Variants in LHFPL5 observed in about 807,000 individuals in gnomAD.
LHFPL5 encodes the protein LHFPL tetraspan subfamily member 5 protein.
LHFPL5 carries 12 observed loss-of-function variants against 18.7 expected under a neutral mutation model. The ratio of observed to expected loss-of-function variants is 0.64; its 90% confidence interval spans 0.41 to 1.04. The LOEUF (loss-of-function observed/expected upper bound fraction) is 1.04. LHFPL5 is among the 50% of genes least tolerant of loss of function. The pLI is 0.00. For synonymous variants in LHFPL5, 111 were observed against 120.2 expected (o/e 0.92, Z 0.50); for missense variants, 259 against 292.1 (o/e 0.89, Z 0.83).
At position 35,823,503 on chromosome 6, in the gene LHFPL5, A is replaced by G. The variant is rs1375881906; in HGVS notation, c.*538A>G. The G allele has an allele frequency of 6.7e-6, 1 of 149,162 alleles. No individual in the cohort carries two copies. Among genetic ancestry groups the G allele is most frequent in the African/African-American group, 2.5e-5 (1 of 39,516 alleles). The allele number at this position is 149,162 out of a possible 1,614,324, so 9.2% of individuals were successfully genotyped here. ...CTCTCTCTCTCTCTCAAACACACACAAATGCCCAACCAGCTCTAAGAGGGC... is the reference window on the plus strand; with the variant it reads ...CTCTCTCTCTCTCTCAAACACACACGAATGCCCAACCAGCTCTAAGAGGGC... On this transcript the variant is annotated 3_prime_UTR_variant, in exon 4 of 4. Transcript: ENST00000360215.
intron 1 of LHFPL5, among the ~76,000 whole-genome samples, chr6:35,809,011 C>A (rs1465324639): frequency 6.6e-6 from 1 of 152,114 alleles, no homozygotes; most frequent in Non-Finnish European, 1.5e-5. Context: ...GGTCCCATAT[C>A]CAGCAGCTGG....
At chr6:35,821,718 T>C (rs1212174869) in intron 3 of LHFPL5, among the ~76,000 whole-genome samples, 1 of 151,932 alleles carries the variant, frequency 6.6e-6, no homozygotes, top group Non-Finnish European at 1.5e-5. Context: ...CGACCTCAGG[T>C]GATCCTCCCG....
At chr6:35,816,802 A>G (rs1273829793) in intron 2 of LHFPL5, among the ~76,000 whole-genome samples, 4 of 145,562 alleles carry the variant, frequency 2.7e-5, no homozygotes, top group African/African-American at 1.0e-4. Context: ...ACAGAGCAAG[A>G]CTCCATCTAA....
intron 1 of LHFPL5, among the ~76,000 whole-genome samples, chr6:35,812,121 A>G (rs955571982): frequency 3.3e-5 from 5 of 152,242 alleles, no homozygotes; most frequent in Admixed American, 2.0e-4. Flanking sequence ...AAGATGGTAC[A>G]TGAAGTATTT....
intron 2 of LHFPL5, 34 bp from the exon 3 acceptor site, chr6:35,819,403 G>A: frequency 6.2e-7 from 1 of 1,610,564 alleles, no homozygotes; most frequent in Non-Finnish European, 8.5e-7. Context: ...ACGAGACTTG[G>A]TAGTAACGTA....
At chr6:35,818,841 TC>T (rs757525275) in intron 2 of LHFPL5, among the ~76,000 whole-genome samples, 7 of 151,808 alleles carry the variant, frequency 4.6e-5, no homozygotes, top group Non-Finnish European at 8.8e-5. Flanking sequence ...CTATTTTTTT[TC>T]CTTTGAGACA....
In LHFPL5 at chr6:35,814,505, C is replaced by T; in HGVS notation, c.413-41C>T. 1 of 1,479,610 alleles carries T rather than the reference C, an allele frequency of 6.8e-7. No homozygotes were observed. The highest frequency in any genetic ancestry group is 9.5e-7 in the Non-Finnish European group (1 of 1,057,290). 91.7% of individuals were successfully genotyped at this position (1,479,610 alleles called of 1,614,324 possible). On this transcript the variant is annotated intron_variant, in intron 1 of 3. Transcript: ENST00000360215. The surrounding 1 kb of genome is among the most constrained non-coding windows in gnomAD (Gnocchi z 4.2). ...GGTGTGGGAGGTAGCGGGCTAGGCA[C>T]ACTCGGCCTGATGCCATGTGCACCC...
intron 2 of LHFPL5, 127 bp from the exon 3 acceptor site, chr6:35,819,310 C>A: frequency 1.1e-6 from 1 of 875,770 alleles, no homozygotes; most frequent in African/African-American, 1.6e-5. Flanking sequence ...ATGATATGAA[C>A]AAAAAAGTGC....
intron 2 of LHFPL5, among the ~76,000 whole-genome samples, chr6:35,818,334 TATATATATATA>T (rs1561955489): frequency 1.1e-3 from 7 of 6,510 alleles, no homozygotes; most frequent in Admixed American, 2.6e-3. Context: ...TATATATATA[TATATATATATA>T]TATGTATTTT....
At chr6:35,819,540 G>A in intron 3 of LHFPL5, 77 bp downstream of exon 3, 1 of 1,360,012 alleles carries the variant, frequency 7.4e-7, no homozygotes, top group Non-Finnish European at 1.0e-6. Context: ...TGAATCCTCA[G>A]GCATCAGGAC....
rs1561957952 is a variant in LHFPL5, at chr6:35,823,473, A to AGACTCTCT, written c.*508_*509insGACTCTCT. 4.4e-5 allele frequency: 4 copies of AGACTCTCT among 91,614 alleles called. No individual in the cohort carries two copies. The highest frequency in any genetic ancestry group is 7.9e-5 in the Non-Finnish European group (3 of 38,042). The allele number at this position is 91,614 out of a possible 1,614,324, so 5.7% of individuals were successfully genotyped here. On this transcript the variant is annotated 3_prime_UTR_variant, in exon 4 of 4. Transcript: ENST00000360215. Reference sequence around the variant, plus strand: ...TACACACACACACACACACACACACACACACTCTCTCTCTCTCTCAAACAC... The same window carrying AGACTCTCT: ...TACACACACACACACACACACACACAGACTCTCTCACACTCTCTCTCTCTCTCAAACAC...
chr6:35,806,159 C>A, intron 1 of LHFPL5, 77 bp downstream of exon 1: 1 of 1,518,704 alleles, frequency 6.6e-7, no homozygotes, highest in Non-Finnish European at 9.0e-7. Context: ...CCAGCCTCTG[C>A]CAGGGCTCTG....
intron 1 of LHFPL5, among the ~76,000 whole-genome samples, chr6:35,811,868 G>A (rs1768670486): frequency 6.6e-6 from 1 of 152,220 alleles, no homozygotes; most frequent in Admixed American, 6.5e-5. Context: ...TGAACACGTA[G>A]GAAGTCTGAA....
At chr6:35,808,057 C>T (rs1768600221) in intron 1 of LHFPL5, among the ~76,000 whole-genome samples, 1 of 151,994 alleles carries the variant, frequency 6.6e-6, no homozygotes, top group Non-Finnish European at 1.5e-5. Flanking sequence ...CAGCAAATCC[C>T]CTTGCCACCT....
In LHFPL5 at chr6:35,819,463, G is replaced by A. The variant is rs777856413; in HGVS notation, c.*16G>A. On this transcript the variant is annotated splice_region_variant and 3_prime_UTR_variant, in exon 3 of 4. Coordinates refer to ENST00000360215, the MANE Select transcript of LHFPL5 (RefSeq NM_182548.4). ...GGAGGTGTGAAGCAGCTGAAGGGTCGGTGAGTAATTCTATGGGAGGGTGGT... is the reference window on the plus strand; with the variant it reads ...GGAGGTGTGAAGCAGCTGAAGGGTCAGTGAGTAATTCTATGGGAGGGTGGT... 1.9e-6 allele frequency: 3 copies of A among 1,613,536 alleles called. No individual in the cohort carries two copies. Among genetic ancestry groups the A allele is most frequent in the East Asian group, 2.2e-5 (1 of 44,868 alleles).
In LHFPL5 at chr6:35,814,623, C is replaced by T. The variant is rs1316624915; in HGVS notation, c.490C>T (p.Gln164Ter). The part of the protein sequence containing the change: ...SSEVRRMCGE[Q>*]TGKYTLGHCT... ...TGAGGTGCGGCGCATGTGTGGGGAG[C>T]AGACGGGCAAGTACACGCTGGGCCA... Residue 164 changes from glutamine to a stop codon, truncating the protein, a stop_gained, in exon 2 of 4, where the codon CAG becomes TAG. Coordinates refer to ENST00000360215, the MANE Select transcript of LHFPL5 (RefSeq NM_182548.4). LOFTEE classifies it high-confidence loss of function. The surrounding 1 kb of genome is among the most constrained non-coding windows in gnomAD (Gnocchi z 4.2). 8.1e-6 allele frequency: 13 copies of T among 1,614,066 alleles called. No homozygotes were observed. The Admixed American group carries it at 2.2e-4, about 27-fold the overall frequency.
At chr6:35,810,900 C>T (rs368862257) in intron 1 of LHFPL5, among the ~76,000 whole-genome samples, 3 of 151,712 alleles carry the variant, frequency 2.0e-5, no homozygotes, top group African/African-American at 4.8e-5. Context: ...GAAGTGATGC[C>T]GTAGTAACAA....
intron 3 of LHFPL5, chr6:35,819,675 C>A (rs893739144): frequency 3.4e-6 from 2 of 579,842 alleles, no homozygotes; most frequent in Non-Finnish European, 6.0e-6. Flanking sequence ...TTTAGTTTTA[C>A]CTGTGTCTTT....
rs901652404 is a variant in LHFPL5 at position 35,814,436 on chromosome 6, G to A, written c.413-110G>A. 3.3e-6 allele frequency: 3 copies of A among 898,582 alleles called. No homozygotes were observed. Among genetic ancestry groups the A allele is most frequent in the Non-Finnish European group, 5.6e-6 (3 of 531,132 alleles). The allele number at this position is 898,582 out of a possible 1,614,324, so 55.7% of individuals were successfully genotyped here. The stretch of plus-strand genomic sequence containing the variant: ...GCTGCCTCTCATGCCTCCTGAGGCT[G>A]TTAACAGAAGGAGAAGGGAGGTGAC... On this transcript the variant is annotated intron_variant, in intron 1 of 3. Transcript: ENST00000360215. The surrounding 1 kb of genome is among the most constrained non-coding windows in gnomAD (Gnocchi z 4.2).
Sources: allele counts gnomAD v4.1 joint callset (sites outside exome capture counted in the v4.1 genomes callset), GRCh38; gene constraint gnomAD v4.1.1; non-coding constraint Gnocchi (gnomAD v3.1); transcripts MANE v1.5; gene names NCBI Gene and HGNC (gene_info 2026-07-23, HGNC 2026-07-21).